TSPAN9: variants seen among roughly 807,000 people sequenced by gnomAD.
TSPAN9 encodes tetraspanin-9.
Under a neutral mutation model 31.0 loss-of-function variants are expected in TSPAN9, and 16 were observed. The observed-to-expected ratio is 0.52, with a 90% CI of 0.35 to 0.78. The LOEUF (loss-of-function observed/expected upper bound fraction) is 0.78, where lower values mean the gene tolerates loss of function less well. Ranked by LOEUF, TSPAN9 falls within the 30% of genes least tolerant of loss-of-function variation. The pLI is 0.01. For synonymous variants in TSPAN9, 145 were observed against 121.6 expected (o/e 1.19, Z -1.27); for missense variants, 272 against 312.5 (o/e 0.87, Z 0.98).
intron 2 of TSPAN9, among the ~76,000 whole-genome samples, chr12:3,094,061 T>C (rs2098306469): frequency 6.6e-6 from 1 of 152,144 alleles, no homozygotes; most frequent in South Asian, 2.1e-4. Flanking sequence ...GGGGTCGCAC[T>C]ATGTTGCCCA....
intron 3 of TSPAN9, among the ~76,000 whole-genome samples, chr12:3,245,905 G>T (rs988102908): frequency 2.0e-5 from 3 of 152,066 alleles, no homozygotes; most frequent in Middle Eastern, 3.2e-3. Flanking sequence ...AGAGAGGAAG[G>T]TGGGGTGGGC....
intron 2 of TSPAN9, among the ~76,000 whole-genome samples, chr12:3,188,998 C>T (rs536584010): frequency 6.6e-5 from 10 of 152,304 alleles, no homozygotes; most frequent in African/African-American, 2.4e-4. Flanking sequence ...CTGGTTGCCG[C>T]AGAGGAGCGC....
At chr12:3,183,037 G>A (rs566587338) in intron 2 of TSPAN9, among the ~76,000 whole-genome samples, 53 of 152,192 alleles carry the variant, frequency 3.5e-4, no homozygotes, top group Non-Finnish European at 7.2e-4. Context: ...GGGTTAGGGC[G>A]TACCTGAAAG....
chr12:3,238,403 C>A (rs1336233493), intron 3 of TSPAN9, among the ~76,000 whole-genome samples: 1 of 152,238 alleles, frequency 6.6e-6, no homozygotes, highest in Non-Finnish European at 1.5e-5. Flanking sequence ...CTGCCAGGGG[C>A]CAGCTTTGTG....
chr12:3,170,172 A>G lies in TSPAN9; in HGVS notation c.-17-31005A>G, dbSNP rs1156996627. 6.6e-6 allele frequency among the ~76,000 whole-genome samples: 1 copy of G among 152,164 alleles called. No homozygotes were observed. The highest frequency in any genetic ancestry group is 1.5e-5 in the Non-Finnish European group (1 of 68,034). On this transcript the variant is annotated intron_variant, in intron 2 of 8. Coordinates refer to ENST00000011898, the MANE Select transcript of TSPAN9 (RefSeq NM_006675.5). This position sits in a 1 kb window ranked among gnomAD's most constrained non-coding sequence, Gnocchi z 4.4. The stretch of plus-strand genomic sequence containing the variant: ...ATTGAGTGAGGCAAACAGCCTGTAA[A>G]TAGAGGGTGCTCAATAAATGTCACT...
chr12:3,109,295 T>TGAGAGAGA (rs1157489756), intron 2 of TSPAN9, among the ~76,000 whole-genome samples: 12 of 114,970 alleles, frequency 1.0e-4, no homozygotes, highest in Non-Finnish European at 1.4e-4. Flanking sequence ...TGTGTGTGTG[T>TGAGAGAGA]GTGTGAGAGA....
At chr12:3,281,468 C>A in intron 7 of TSPAN9, 139 bp downstream of exon 7, 1 of 1,356,936 alleles carries the variant, frequency 7.4e-7, no homozygotes, top group Non-Finnish European at 9.7e-7. Flanking sequence ...AAAAATAAAG[C>A]CAAAAGACAG....
rs77146249 is a variant in TSPAN9 at position 3,222,594 on chromosome 12, C to T, written c.63+21338C>T. On this transcript the variant is annotated intron_variant, in intron 3 of 8. Coordinates refer to ENST00000011898, the MANE Select transcript of TSPAN9 (RefSeq NM_006675.5). ...CTCTCTGGATGCTGCCCAGAGGTGA[C>T]GCTGATCAGATTGTGTGGGGAAGCC... 7.3e-3 allele frequency among the ~76,000 whole-genome samples: 1,109 copies of T among 152,296 alleles called. 11 individuals carry two copies. Among genetic ancestry groups the T allele is most frequent in the African/African-American group, 0.025 (1,048 of 41,548 alleles).
intron 2 of TSPAN9, among the ~76,000 whole-genome samples, chr12:3,194,299 C>G (rs1258641221): frequency 6.6e-6 from 1 of 152,180 alleles, no homozygotes; most frequent in African/African-American, 2.4e-5. Flanking sequence ...GAGGGAGGAG[C>G]AGACCTTTCT....
intron 2 of TSPAN9, among the ~76,000 whole-genome samples, chr12:3,133,496 A>G (rs560947008): frequency 6.6e-6 from 1 of 152,302 alleles, no homozygotes; most frequent in South Asian, 2.1e-4. Context: ...GGGAAATCAC[A>G]GGAGAGCCTT....
intron 2 of TSPAN9, among the ~76,000 whole-genome samples, chr12:3,156,803 C>T (rs866799935): frequency 3.3e-5 from 5 of 152,126 alleles, no homozygotes; most frequent in Admixed American, 1.3e-4. Context: ...CCACCACTCC[C>T]GGCCTGCTTA....
intron 2 of TSPAN9, among the ~76,000 whole-genome samples, chr12:3,191,561 G>A (rs919903873): frequency 2.6e-5 from 4 of 152,210 alleles, no homozygotes; most frequent in Admixed American, 1.3e-4. Context: ...AGTGTCCTCA[G>A]GCTTTGTTCC....
chr12:3,180,036 A>G (rs1403878831), intron 2 of TSPAN9, among the ~76,000 whole-genome samples: 3 of 152,128 alleles, frequency 2.0e-5, no homozygotes, highest in Non-Finnish European at 4.4e-5. Flanking sequence ...GCGAATTCTC[A>G]TGGGCGGTCT....
At chr12:3,081,844 G>GTGTGTGTGTGTGTATA (rs57812985) in intron 1 of TSPAN9, among the ~76,000 whole-genome samples, 4,161 of 116,674 alleles carry the variant, frequency 0.036, 155 homozygotes, top group Middle Eastern at 0.09. Flanking sequence ...GTCTGTGTGT[G>GTGTGTGTGTGTGTATA]TATATATATG....
chr12:3,226,718 ATGTGTG>A (rs60390468), intron 3 of TSPAN9, among the ~76,000 whole-genome samples: 1,142 of 15,030 alleles, frequency 0.076, 61 homozygotes, highest in Non-Finnish European at 0.084. Flanking sequence ...ATGTGTATGT[ATGTGTG>A]TGTGTGTGTG....
intron 3 of TSPAN9, among the ~76,000 whole-genome samples, chr12:3,211,133 GAT>G (rs2098378462): frequency 8.7e-5 from 3 of 34,370 alleles, no homozygotes; most frequent in African/African-American, 1.9e-4. Context: ...AGTGACTGAA[GAT>G]GAGTTCCTGG....
rs144976151 is a variant in TSPAN9, at chr12:3,124,136, C to T, written c.-18+40417C>T. Among the ~76,000 whole-genome samples, 1,416 of 152,246 alleles carry T rather than the reference C, an allele frequency of 9.3e-3. 24 individuals carry two copies. The highest frequency in any genetic ancestry group is 0.032 in the African/African-American group (1,341 of 41,546). On this transcript the variant is annotated intron_variant, in intron 2 of 8. Coordinates refer to ENST00000011898, the MANE Select transcript of TSPAN9 (RefSeq NM_006675.5). The stretch of plus-strand genomic sequence containing the variant: ...CAAAACAGAAGTGAGAAATTCCTGG[C>T]GCACAGAACGGATTTATCTGTCAGC...
chr12:3,242,338 C>T (rs1220549740), intron 3 of TSPAN9, among the ~76,000 whole-genome samples: 2 of 152,248 alleles, frequency 1.3e-5, no homozygotes, highest in Non-Finnish European at 2.9e-5. Flanking sequence ...TGGCCCAGGC[C>T]CTGGACATGC....
At chr12:3,235,098 T>TGGAGCTTGCAGTGAGC (rs1192086726) in intron 3 of TSPAN9, among the ~76,000 whole-genome samples, 3 of 137,224 alleles carry the variant, frequency 2.2e-5, no homozygotes, top group Non-Finnish European at 4.6e-5. Flanking sequence ...GCCCCGGAGA[T>TGGAGCTTGCAGTGAGC]GGAGCTTGCA....
Sources: gnomAD v4.1 joint callset for allele counts (sites outside exome capture counted in the v4.1 genomes callset) on GRCh38, gnomAD v4.1.1 for gene constraint, Gnocchi (gnomAD v3.1) non-coding constraint, MANE v1.5 for transcripts, NCBI Gene and HGNC (gene_info 2026-07-23, HGNC 2026-07-21) for gene names.